Variants in TRDN observed in about 807,000 individuals in gnomAD.
The protein encoded by TRDN is triadin.
In TRDN, 161 loss-of-function variants were observed where a neutral mutation model predicts 149.7. The observed-to-expected ratio is 1.08, with a 90% CI of 0.95 to 1.23. The LOEUF (loss-of-function observed/expected upper bound fraction) is 1.23, where lower values mean the gene tolerates loss of function less well. Ranked by LOEUF, TRDN falls within the 50% of genes most tolerant of loss-of-function variation. The pLI is 0.00. For synonymous variants in TRDN, 294 were observed against 250.5 expected (o/e 1.17, Z -1.64); for missense variants, 896 against 823.5 (o/e 1.09, Z -1.08).
chr6:123,580,958 A>G (rs1410933638), intron 1 of TRDN, among the ~76,000 whole-genome samples: 3 of 152,154 alleles, frequency 2.0e-5, no homozygotes, highest in African/African-American at 4.8e-5. Flanking sequence ...ATTTCTAGAG[A>G]CAGGGTCTCG....
chr6:123,312,169 A>T (rs554282971), intron 24 of TRDN, among the ~76,000 whole-genome samples: 36 of 152,026 alleles, frequency 2.4e-4, no homozygotes, highest in Non-Finnish European at 5.1e-4. Flanking sequence ...TCAGTAAAGT[A>T]AATGCTGGAA....
At chr6:123,256,968 TTTTTC>T (rs906752282) in intron 35 of TRDN, among the ~76,000 whole-genome samples, 4 of 135,624 alleles carry the variant, frequency 2.9e-5, no homozygotes, top group African/African-American at 8.5e-5. Context: ...CATTTAAATC[TTTTTC>T]TTTTCTTTTC....
At chr6:123,218,819 A>C (rs1775036238) in intron 40 of TRDN, 79 bp from the exon 41 acceptor site, 2 of 1,434,514 alleles carry the variant, frequency 1.4e-6, no homozygotes, top group Non-Finnish European at 1.9e-6. Context: ...GCAGTGCAGC[A>C]GATAAGGTCA....
chr6:123,438,671 T>C (rs1276081361), intron 11 of TRDN, among the ~76,000 whole-genome samples: 1 of 152,098 alleles, frequency 6.6e-6, no homozygotes, highest in African/African-American at 2.4e-5. Flanking sequence ...TAAAGTAAAG[T>C]AGTGAATTAG....
At position 123,593,200 on chromosome 6, in the gene TRDN, T is replaced by C. The variant is rs539254432; in HGVS notation, c.23-22068A>G. Among the ~76,000 whole-genome samples the C allele has an allele frequency of 1.2e-3, 187 of 152,298 alleles. 1 individual carries two copies. The highest frequency in any genetic ancestry group is 4.3e-3 in the African/African-American group (177 of 41,554). On this transcript the variant is annotated intron_variant, in intron 1 of 40. Transcript: ENST00000334268. ...TTGATCACAATTACATTGCTATAGG[T>C]TTATATAACATCTCTGCACCAGTGA...
Position 123,221,528 on chromosome 6 carries a change from G to C in TRDN, c.2015-6C>G, listed in dbSNP as rs1244486423. ...AGACACATCTTCAGTTCCTTCTAGTGGATAAAAAATATAAAAGTAAATAAC... is the reference window on the plus strand; with the variant it reads ...AGACACATCTTCAGTTCCTTCTAGTCGATAAAAAATATAAAAGTAAATAAC... On this transcript the variant is annotated splice_region_variant and splice_polypyrimidine_tract_variant and intron_variant, in intron 39 of 40. Transcript: ENST00000334268. 1 of 1,556,016 alleles carries C rather than the reference G, an allele frequency of 6.4e-7. No homozygotes were observed. Among genetic ancestry groups the C allele is most frequent in the South Asian group, 1.1e-5 (1 of 87,228 alleles).
intron 1 of TRDN, among the ~76,000 whole-genome samples, chr6:123,578,186 CTT>C (rs1400578742): frequency 1.3e-5 from 2 of 152,016 alleles, no homozygotes; most frequent in Non-Finnish European, 2.9e-5. Context: ...CTTTTGGTAT[CTT>C]TGTCATGAAA....
At chr6:123,604,237 G>A (rs1784414537) in intron 1 of TRDN, among the ~76,000 whole-genome samples, 1 of 152,220 alleles carries the variant, frequency 6.6e-6, no homozygotes, top group Non-Finnish European at 1.5e-5. Flanking sequence ...GTCACGCACA[G>A]GCTGCTGTGG....
chr6:123,309,316 T>C (rs181327091), intron 24 of TRDN, among the ~76,000 whole-genome samples: 102 of 151,978 alleles, frequency 6.7e-4, no homozygotes, highest in Admixed American at 1.5e-3. Context: ...AGTCCTCTCC[T>C]CACCTCTCCC....
In TRDN at chr6:123,420,258, A is replaced by C. The variant is rs1166184520; in HGVS notation, c.1051+17805T>G. 2.0e-5 allele frequency among the ~76,000 whole-genome samples: 3 copies of C among 152,326 alleles called. No individual in the cohort carries two copies. The East Asian group carries it at 5.8e-4, about 29-fold the overall frequency. ...TTATAAAGCTGTAAGAAAACAAATG[A>C]CTTTCATAAAGTTTAGAAATGACTG... On this transcript the variant is annotated intron_variant, in intron 12 of 40. Transcript: ENST00000334268.
In TRDN at chr6:123,224,053, G is replaced by C. The variant is rs571850371; in HGVS notation, c.2014+40C>G. The C allele has an allele frequency of 2.6e-5, 41 of 1,564,292 alleles. No homozygotes were observed. The East Asian group carries it at 8.6e-4, about 33-fold the overall frequency. On this transcript the variant is annotated intron_variant, in intron 39 of 40. Coordinates refer to ENST00000334268, the MANE Select transcript of TRDN (RefSeq NM_006073.4). ...AGACAGACAAAAACCTTATAGCTTT[G>C]AGAGAAAACTTGTAAATGATCCAAA...
intron 14 of TRDN, among the ~76,000 whole-genome samples, chr6:123,385,367 G>A (rs573970054): frequency 2.9e-4 from 44 of 150,692 alleles, no homozygotes; most frequent in East Asian, 2.5e-3. Context: ...GGTGGAGCTC[G>A]CAGTGAGCAG....
chr6:123,509,199 C>T (rs1035473531), intron 7 of TRDN, among the ~76,000 whole-genome samples: 4 of 151,576 alleles, frequency 2.6e-5, no homozygotes, highest in African/African-American at 9.7e-5. Flanking sequence ...TGTGTGTGTG[C>T]ACCTCCCCCA....
At chr6:123,235,235 C>T (rs1775742512) in intron 38 of TRDN, among the ~76,000 whole-genome samples, 1 of 151,904 alleles carries the variant, frequency 6.6e-6, no homozygotes, top group Non-Finnish European at 1.5e-5. Flanking sequence ...AGGTATTTCC[C>T]AAAGGAAGTT....
chr6:123,521,330 C>T (rs1456225958), intron 5 of TRDN, among the ~76,000 whole-genome samples: 3 of 152,096 alleles, frequency 2.0e-5, no homozygotes, highest in Non-Finnish European at 4.4e-5. Flanking sequence ...AGGCTAGTCC[C>T]TAATCCAATA....
At chr6:123,484,495 C>T (rs149406569) in intron 9 of TRDN, among the ~76,000 whole-genome samples, 64 of 152,214 alleles carry the variant, frequency 4.2e-4, no homozygotes, top group African/African-American at 1.4e-3. Context: ...ATAATTATTT[C>T]AATAATTCTT....
intron 1 of TRDN, among the ~76,000 whole-genome samples, chr6:123,607,837 C>T (rs989100610): frequency 4.0e-5 from 6 of 149,722 alleles, no homozygotes; most frequent in South Asian, 2.1e-4. Context: ...CAGATTTATG[C>T]TTTCTCTTTT....
At chr6:123,536,298 T>C (rs957810773) in intron 4 of TRDN, among the ~76,000 whole-genome samples, 29 of 152,120 alleles carry the variant, frequency 1.9e-4, no homozygotes, top group African/African-American at 7.0e-4. Context: ...ACTTGAGAAA[T>C]GCATACTACT....
At chr6:123,260,113 C>T (rs1354696302) in intron 34 of TRDN, among the ~76,000 whole-genome samples, 1 of 151,852 alleles carries the variant, frequency 6.6e-6, no homozygotes, top group African/African-American at 2.4e-5. Flanking sequence ...CTCCCCTTTT[C>T]TTTTATGCTT....
Sources: allele counts gnomAD v4.1 joint callset (sites outside exome capture counted in the v4.1 genomes callset), GRCh38; gene constraint gnomAD v4.1.1; transcripts MANE v1.5; gene names NCBI Gene and HGNC (gene_info 2026-07-23, HGNC 2026-07-21).